The following CNBD1 variants were observed in gnomAD, a reference collection of about 807,000 sequenced individuals.
CNBD1 encodes cyclic nucleotide binding domain containing 1.
Under a neutral mutation model 54.4 loss-of-function variants are expected in CNBD1, and 71 were observed. The ratio of observed to expected loss-of-function variants is 1.30; its 90% CI spans 1.08 to 1.59. CNBD1 has a LOEUF of 1.59. Ranked by LOEUF, CNBD1 falls within the 40% of genes most tolerant of loss-of-function variation. The pLI is 0.00. For missense variants in CNBD1, 659 were observed against 518.0 expected, an observed-to-expected ratio of 1.27 and a Z score of -2.64; for synonymous variants, 182 against 170.7, an observed-to-expected ratio of 1.07 and a Z score of -0.51.
chr8:87,040,094 C>A (rs973831523), intron 4 of CNBD1, among the ~76,000 whole-genome samples: 3 of 152,206 alleles, frequency 2.0e-5, no homozygotes, highest in Admixed American at 1.3e-4. Context: ...ATCTTGTAGC[C>A]TCCAACTGTA....
At chr8:87,349,168 T>C (rs1434985465) in intron 8 of CNBD1, among the ~76,000 whole-genome samples, 2 of 152,190 alleles carry the variant, frequency 1.3e-5, no homozygotes, top group Non-Finnish European at 2.9e-5. Context: ...GATCATCGTA[T>C]GTTATTTGTC....
intron 4 of CNBD1, among the ~76,000 whole-genome samples, chr8:87,133,178 A>G (rs1334994558): frequency 1.3e-5 from 2 of 151,912 alleles, no homozygotes; most frequent in Admixed American, 6.6e-5. Context: ...ATAGTTTTTG[A>G]CAATGGTCAT....
intron 2 of CNBD1, among the ~76,000 whole-genome samples, chr8:87,390,711 T>A (rs1012434688): frequency 6.6e-6 from 1 of 152,090 alleles, no homozygotes; most frequent in Non-Finnish European, 1.5e-5. Context: ...GAACTAGAAA[T>A]ACCATTTGAC....
intron 10 of CNBD1, among the ~76,000 whole-genome samples, chr8:87,374,509 A>T (rs1007761874): frequency 6.6e-6 from 1 of 151,786 alleles, no homozygotes; most frequent in East Asian, 1.9e-4. Context: ...TTACATACCC[A>T]GTTGGGTTCT....
chr8:87,082,934 G>C (rs886551994), intron 4 of CNBD1, among the ~76,000 whole-genome samples: 2 of 152,040 alleles, frequency 1.3e-5, no homozygotes, highest in African/African-American at 4.8e-5. Flanking sequence ...ACTTAGAATT[G>C]ACAATATGCA....
intron 2 of CNBD1, among the ~76,000 whole-genome samples, chr8:87,413,312 C>T (rs1412254107): frequency 6.6e-6 from 1 of 152,030 alleles, no homozygotes; most frequent in African/African-American, 2.4e-5. Flanking sequence ...TTCACACTTA[C>T]TACTTTAAAT....
intron 4 of CNBD1, among the ~76,000 whole-genome samples, chr8:87,183,490 T>C (rs910592757): frequency 9.9e-5 from 15 of 151,798 alleles, no homozygotes; most frequent in African/African-American, 3.4e-4. Context: ...TGTATCTCGA[T>C]GAGTTTTCTT....
At chr8:87,283,296 T>C (rs1375340511) in intron 6 of CNBD1, among the ~76,000 whole-genome samples, 1 of 152,076 alleles carries the variant, frequency 6.6e-6, no homozygotes, top group African/African-American at 2.4e-5. Context: ...AGTCTACACA[T>C]TTTAAATATT....
rs925851734 is a variant in CNBD1 at position 87,284,425 on chromosome 8, A to G, written c.772-253A>G. ...TGGCTGCTATATTCCAAGCACTCTA[A>G]TAGGCACTTTAAATCACTGAATAAA... is the stretch of plus-strand genomic sequence containing the variant. On this transcript the variant is annotated intron_variant, in intron 6 of 10. Transcript: ENST00000518476. 1.2e-3 allele frequency among the ~76,000 whole-genome samples: 177 copies of G among 152,286 alleles called. 1 individual carries two copies. The highest frequency in any genetic ancestry group is 6.8e-3 in the Middle Eastern group (2 of 294).
At chr8:87,072,353 T>C (rs1586236557) in intron 4 of CNBD1, among the ~76,000 whole-genome samples, 1 of 152,196 alleles carries the variant, frequency 6.6e-6, no homozygotes, top group East Asian at 1.9e-4. Context: ...ATCATGATGC[T>C]AGCTGTTTAT....
intron 4 of CNBD1, among the ~76,000 whole-genome samples, chr8:86,945,674 G>A (rs1807449065): frequency 1.3e-5 from 2 of 152,244 alleles, no homozygotes; most frequent in South Asian, 4.2e-4. Flanking sequence ...ACTTAAAAGG[G>A]AACATAGGTT....
rs190816534 is a variant in CNBD1, at chr8:87,199,566, G to A, written c.432-6427G>A. Among the ~76,000 whole-genome samples, 655 of 152,086 alleles carry A rather than the reference G, an allele frequency of 4.3e-3. 2 individuals are homozygous for A. The highest frequency in any genetic ancestry group is 0.01 in the Admixed American group (153 of 15,288). ...ACTTCACATAAAATCTGCCCTCTTA[G>A]CCAATGTTTAAAGTACACAATACTG... On this transcript the variant is annotated intron_variant, in intron 4 of 10. Transcript: ENST00000518476.
intron 2 of CNBD1, among the ~76,000 whole-genome samples, chr8:87,391,007 C>T (rs980914005): frequency 5.9e-5 from 9 of 151,650 alleles, no homozygotes; most frequent in Non-Finnish European, 1.0e-4. Flanking sequence ...AACCAAACAC[C>T]GCATGTTCTC....
At chr8:87,326,495 G>C (rs1809672075) in intron 8 of CNBD1, among the ~76,000 whole-genome samples, 1 of 121,808 alleles carries the variant, frequency 8.2e-6, no homozygotes, top group Non-Finnish European at 1.9e-5. Flanking sequence ...TGGAGGCTTT[G>C]CTCATTTCTT....
At chr8:87,052,155 T>C (rs1810324607) in intron 4 of CNBD1, among the ~76,000 whole-genome samples, 1 of 152,224 alleles carries the variant, frequency 6.6e-6, no homozygotes, top group South Asian at 2.1e-4. Context: ...TGTCTCTCTC[T>C]TGTACTTCCT....
intron 8 of CNBD1, among the ~76,000 whole-genome samples, chr8:87,336,224 T>A (rs1056950141): frequency 1.3e-5 from 2 of 152,180 alleles, no homozygotes; most frequent in Non-Finnish European, 2.9e-5. Flanking sequence ...CTTTATTTCC[T>A]TAATTTGAAT....
intron 4 of CNBD1, among the ~76,000 whole-genome samples, chr8:87,101,507 A>G (rs1375340746): frequency 6.6e-6 from 1 of 152,050 alleles, no homozygotes; most frequent in African/African-American, 2.4e-5. Flanking sequence ...ATGAAGAAAA[A>G]CTGACAGAAC....
At chr8:87,327,605 G>C (rs932976639) in intron 8 of CNBD1, among the ~76,000 whole-genome samples, 6 of 152,194 alleles carry the variant, frequency 3.9e-5, no homozygotes, top group Non-Finnish European at 8.8e-5. Context: ...CTCAGAAAGG[G>C]AACTCCCTGA....
intron 6 of CNBD1, among the ~76,000 whole-genome samples, chr8:87,254,275 GA>G (rs1807965586): frequency 6.6e-6 from 1 of 152,022 alleles, no homozygotes; most frequent in East Asian, 1.9e-4. Flanking sequence ...GAGGAACTGA[GA>G]AAAAAATTCC....
Sources: allele counts gnomAD v4.1 joint callset (sites outside exome capture counted in the v4.1 genomes callset), GRCh38; gene constraint gnomAD v4.1.1; transcripts MANE v1.5; gene names NCBI Gene and HGNC (gene_info 2026-07-23, HGNC 2026-07-21).